Variants in SUGP2 observed in about 807,000 individuals in gnomAD.
SUGP2 encodes the protein SURP and G-patch domain containing 2, also known as SURP and G-patch domain-containing protein 2.
SUGP2 carries 24 observed loss-of-function variants against 90.5 expected under a neutral mutation model. The ratio of observed to expected loss-of-function variants is 0.27; its 90% CI spans 0.19 to 0.37. SUGP2 has a LOEUF of 0.37. Ranked by LOEUF, SUGP2 falls within the 10% of genes least tolerant of loss-of-function variation. The pLI is 1.00. For missense variants in SUGP2, 1,233 were observed against 1,363.3 expected, an observed-to-expected ratio of 0.90 and a Z score of 1.51; for synonymous variants, 473 against 513.4, an observed-to-expected ratio of 0.92 and a Z score of 1.06.
At chr19:19,017,003 G>C (rs2058523320) in intron 4 of SUGP2, among the ~76,000 whole-genome samples, 1 of 152,138 alleles carries the variant, frequency 6.6e-6, no homozygotes, top group African/African-American at 2.4e-5. Flanking sequence ...TGGTGGGTAG[G>C]ACCAAAGACA....
intron 3 of SUGP2, among the ~76,000 whole-genome samples, chr19:19,021,219 TA>T: frequency 6.8e-6 from 1 of 147,788 alleles, no homozygotes; most frequent in South Asian, 2.2e-4. Flanking sequence ...TCAACTCAAT[TA>T]AAATCACTGC....
chr19:19,028,210 T>G (rs1568464567), intron 2 of SUGP2, among the ~76,000 whole-genome samples: 1 of 152,164 alleles, frequency 6.6e-6, no homozygotes, highest in East Asian at 1.9e-4. Context: ...TCAGGGTTTT[T>G]AAAAGGCCCC....
At chr19:19,022,452 A>G (rs1272231696) in intron 3 of SUGP2, among the ~76,000 whole-genome samples, 1 of 152,232 alleles carries the variant, frequency 6.6e-6, no homozygotes, top group Non-Finnish European at 1.5e-5. Context: ...AAAAGGCAGC[A>G]TGAGTCCAGC....
At chr19:19,017,551 C>T (rs939373394) in intron 4 of SUGP2, among the ~76,000 whole-genome samples, 4 of 152,144 alleles carry the variant, frequency 2.6e-5, no homozygotes, top group South Asian at 4.2e-4. Context: ...GCAGGCGGAT[C>T]GCATGATTTC....
intron 5 of SUGP2, 116 bp downstream of exon 5, chr19:19,009,739 A>C: frequency 2.4e-5 from 32 of 1,353,474 alleles, no homozygotes; most frequent in Non-Finnish European, 3.0e-5. Context: ...CCAGGTCCCT[A>C]GAGCTTTTAT....
At chr19:19,022,364 T>C (rs1405909407) in intron 3 of SUGP2, among the ~76,000 whole-genome samples, 1 of 152,204 alleles carries the variant, frequency 6.6e-6, no homozygotes, top group African/African-American at 2.4e-5. Context: ...CCTATCCCGC[T>C]ATCCAGACAG....
At chr19:19,019,000 A>G in intron 4 of SUGP2, 109 bp downstream of exon 4, 1 of 1,272,552 alleles carries the variant, frequency 7.9e-7, no homozygotes, top group Non-Finnish European at 1.1e-6. Flanking sequence ...ACTGGAGAAC[A>G]CCACTTGCTC....
At chr19:19,003,013 T>G (rs1042483027) in intron 7 of SUGP2, among the ~76,000 whole-genome samples, 2 of 152,218 alleles carry the variant, frequency 1.3e-5, no homozygotes, top group African/African-American at 2.4e-5. Context: ...CTGGCCATCT[T>G]GCCCAGGCTG....
At chr19:19,018,935 C>A (rs2058605390) in intron 4 of SUGP2, among the ~76,000 whole-genome samples, 174 bp downstream of exon 4, 1 of 152,200 alleles carries the variant, frequency 6.6e-6, no homozygotes, top group Admixed American at 6.5e-5. Flanking sequence ...TGGTCTGCAG[C>A]AGAGCTGGGG....
chr19:19,032,610 T>C (rs2059218376), intron 1 of SUGP2, among the ~76,000 whole-genome samples: 1 of 152,108 alleles, frequency 6.6e-6, no homozygotes, highest in Non-Finnish European at 1.5e-5. Context: ...GCTGGGTCCT[T>C]GCGCGATCTC....
At chr19:19,006,122 A>AG (rs925040411) in intron 6 of SUGP2, among the ~76,000 whole-genome samples, 10 of 151,930 alleles carry the variant, frequency 6.6e-5, no homozygotes, top group African/African-American at 2.4e-4. Flanking sequence ...TGGGAATCTG[A>AG]GGCAGGAGAA....
At chr19:19,021,202 C>T (rs929060867) in intron 3 of SUGP2, among the ~76,000 whole-genome samples, 7 of 137,216 alleles carry the variant, frequency 5.1e-5, no homozygotes, top group Non-Finnish European at 3.1e-5. Context: ...TCTATTTGTT[C>T]AGCCACTCAA....
chr19:19,023,646 C>A (rs569695002), intron 3 of SUGP2, among the ~76,000 whole-genome samples: 1 of 152,274 alleles, frequency 6.6e-6, no homozygotes, highest in East Asian at 1.9e-4. Flanking sequence ...CACCTATAAT[C>A]CCAGCACTTT....
At chr19:19,029,377 G>A (rs1227537431) in intron 2 of SUGP2, among the ~76,000 whole-genome samples, 9 of 139,356 alleles carry the variant, frequency 6.5e-5, no homozygotes, top group Non-Finnish European at 1.1e-4. Context: ...CTTGTGATCC[G>A]CCCGCCTCGG....
chr19:19,003,818 G>A (rs112488306), intron 7 of SUGP2, among the ~76,000 whole-genome samples: 5,207 of 152,230 alleles, frequency 0.034, 130 homozygotes, highest in Non-Finnish European at 0.051. Context: ...CAGCACCCTG[G>A]GCCTTCCAGG....
At chr19:19,012,388 A>T (rs2058342428) in intron 4 of SUGP2, among the ~76,000 whole-genome samples, 1 of 152,188 alleles carries the variant, frequency 6.6e-6, no homozygotes, top group Admixed American at 6.5e-5. Context: ...CATGGCTCTG[A>T]TGGCTTTCCT....
chr19:19,008,492 C>G, intron 5 of SUGP2, 64 bp from the exon 6 acceptor site: 1 of 1,338,124 alleles, frequency 7.5e-7, no homozygotes, highest in Non-Finnish European at 1.1e-6. Flanking sequence ...GTAAACACTG[C>G]AGGGTTGTGG....
At chr19:19,014,511 G>T (rs950151372) in intron 4 of SUGP2, among the ~76,000 whole-genome samples, 2 of 151,768 alleles carry the variant, frequency 1.3e-5, no homozygotes, top group Admixed American at 1.3e-4. Context: ...CTAATAAAAA[G>T]AATTTATTAA....
At chr19:19,012,173 G>A (rs887693621) in intron 4 of SUGP2, among the ~76,000 whole-genome samples, 5 of 152,298 alleles carry the variant, frequency 3.3e-5, no homozygotes, top group South Asian at 2.1e-4. Flanking sequence ...ACTGAGTACC[G>A]GCTCCACTGC....
Sources: gnomAD v4.1 joint callset for allele counts (sites outside exome capture counted in the v4.1 genomes callset) on GRCh38, gnomAD v4.1.1 for gene constraint, MANE v1.5 for transcripts, NCBI Gene and HGNC (gene_info 2026-07-23, HGNC 2026-07-21) for gene names.